Variants in TBC1D32 observed in about 807,000 individuals in gnomAD.
TBC1D32 encodes the protein TBC1 domain family member 32.
A neutral mutation model predicts 170.3 loss-of-function variants in TBC1D32; 151 were observed. The ratio of observed to expected loss-of-function variants is 0.89; its 90% CI spans 0.78 to 1.01. TBC1D32 has a LOEUF of 1.01. TBC1D32 is among the 50% of genes least tolerant of loss of function. The pLI, the probability that TBC1D32 is intolerant of heterozygous loss-of-function variation, is 0.00. For synonymous variants in TBC1D32, 498 were observed against 488.0 expected, an observed-to-expected ratio of 1.02 and a Z score of -0.27; for missense variants, 1,464 against 1,457.1, an observed-to-expected ratio of 1.00 and a Z score of -0.08.
chr6:121,174,369 T>G (rs1763459375), intron 22 of TBC1D32, among the ~76,000 whole-genome samples: 1 of 151,978 alleles, frequency 6.6e-6, no homozygotes, highest in Non-Finnish European at 1.5e-5. Context: ...GAAAAAAAAG[T>G]CATCAATCTA....
chr6:121,214,751 G>A (rs547668881), intron 21 of TBC1D32, among the ~76,000 whole-genome samples: 2 of 152,278 alleles, frequency 1.3e-5, no homozygotes, highest in Admixed American at 1.3e-4. Context: ...AACAGGGTGA[G>A]CATGAGCAGG....
chr6:121,094,537 T>C (rs1777176689), intron 30 of TBC1D32, among the ~76,000 whole-genome samples: 1 of 152,188 alleles, frequency 6.6e-6, no homozygotes, highest in African/African-American at 2.4e-5. Flanking sequence ...GAAGAAATAG[T>C]ATGTGTCCAA....
intron 21 of TBC1D32, among the ~76,000 whole-genome samples, chr6:121,214,997 C>T (rs573741854): frequency 1.3e-5 from 2 of 152,200 alleles, no homozygotes. Context: ...AGAAGACCCA[C>T]AATGTATATC....
At chr6:121,117,167 T>C (rs989410766) in intron 26 of TBC1D32, among the ~76,000 whole-genome samples, 1 of 152,144 alleles carries the variant, frequency 6.6e-6, no homozygotes, top group Non-Finnish European at 1.5e-5. Flanking sequence ...TACAACACTA[T>C]CCAAATTTCA....
At chr6:121,274,092 T>C (rs1046590102) in intron 15 of TBC1D32, among the ~76,000 whole-genome samples, 1 of 152,102 alleles carries the variant, frequency 6.6e-6, no homozygotes, top group African/African-American at 2.4e-5. Flanking sequence ...CCCAGCACTT[T>C]AGTAGGCCAA....
At chr6:121,198,809 G>C (rs1364403038) in intron 22 of TBC1D32, among the ~76,000 whole-genome samples, 2 of 150,948 alleles carry the variant, frequency 1.3e-5, no homozygotes, top group African/African-American at 4.9e-5. Context: ...TAAAATGGAG[G>C]GTGAACTAAA....
chr6:121,085,818 T>C (rs1301528236), intron 31 of TBC1D32, among the ~76,000 whole-genome samples: 1 of 152,080 alleles, frequency 6.6e-6, no homozygotes, highest in Non-Finnish European at 1.5e-5. Context: ...TAAACTCAGC[T>C]GAAGGGTACT....
chr6:121,309,673 A>C (rs1038497348), intron 4 of TBC1D32, among the ~76,000 whole-genome samples: 1 of 152,204 alleles, frequency 6.6e-6, no homozygotes, highest in Non-Finnish European at 1.5e-5. Flanking sequence ...AATTCTTCAT[A>C]AACAGTGATT....
chr6:121,297,177 T>C (rs758232993), intron 10 of TBC1D32, among the ~76,000 whole-genome samples: 4 of 152,062 alleles, frequency 2.6e-5, no homozygotes, highest in Non-Finnish European at 4.4e-5. Flanking sequence ...AGCAGATCTA[T>C]AGTAGGTGAA....
chr6:121,201,557 G>C (rs1329133997), intron 22 of TBC1D32, among the ~76,000 whole-genome samples: 1 of 151,172 alleles, frequency 6.6e-6, no homozygotes, highest in East Asian at 1.9e-4. Flanking sequence ...TTACCTTAGA[G>C]GAATCTCTTC....
chr6:121,142,600 A>G (rs1163455468), intron 24 of TBC1D32, among the ~76,000 whole-genome samples: 1 of 152,218 alleles, frequency 6.6e-6, no homozygotes, highest in Non-Finnish European at 1.5e-5. Context: ...GGGAAATAAG[A>G]ACAACAAACA....
chr6:121,302,920 TG>T (rs1383924646), intron 9 of TBC1D32, among the ~76,000 whole-genome samples: 2 of 152,302 alleles, frequency 1.3e-5, no homozygotes, highest in African/African-American at 4.8e-5. Context: ...CAAACTGTGC[TG>T]AAGAGTAAAT....
intron 16 of TBC1D32, 96 bp from the exon 17 acceptor site, chr6:121,255,506 A>ATTTATAATAT (rs1798867742): frequency 5.5e-6 from 1 of 181,600 alleles, no homozygotes; most frequent in African/African-American, 3.0e-5. Context: ...TTATAATTAT[A>ATTTATAATAT]TTTATAATTA....
At chr6:121,121,049 A>G in intron 26 of TBC1D32, among the ~76,000 whole-genome samples, 1 of 151,866 alleles carries the variant, frequency 6.6e-6, no homozygotes, top group East Asian at 1.9e-4. Flanking sequence ...TAGTATGTGT[A>G]TATATATATA....
intron 17 of TBC1D32, among the ~76,000 whole-genome samples, chr6:121,246,598 C>G (rs1170724931): frequency 6.6e-6 from 1 of 151,072 alleles, no homozygotes; most frequent in East Asian, 1.9e-4. Context: ...AAGGAGATAA[C>G]AGAGAAATGC....
chr6:121,168,372 C>G (rs1305328722), intron 22 of TBC1D32, among the ~76,000 whole-genome samples: 1 of 139,330 alleles, frequency 7.2e-6, no homozygotes, highest in African/African-American at 2.6e-5. Context: ...CCATGGAATA[C>G]TATACAGCCA....
rs751178222 is a variant in TBC1D32 at position 121,242,277 on chromosome 6, A to G, written c.2081T>C (p.Leu694Ser). The G allele has an allele frequency of 6.2e-7, 1 of 1,612,896 alleles. No individual in the cohort carries two copies. The highest frequency in any genetic ancestry group is 8.5e-7 in the Non-Finnish European group (1 of 1,179,284). The change falls in exon 18 of 32, where the codon TTA (leucine) becomes TCA (serine). Residue 694 changes from leucine to serine, a missense_variant. Around this residue, in one of 3 missense-constraint regions of TBC1D32, gnomAD observed 1,363 missense variants for 1,338.1 expected, o/e 1.02. Transcript: ENST00000398212. ...AGCACCTGTTCTTTGAAGAAGTAGT[A>G]ATCCTTTGGGGGTGGCAGCAAAATG... ...LLHFAATPKG[L>S]LLLQRTGAIN... is the part of the protein sequence containing the mutation.
chr6:121,303,910 G>C (rs4946562), intron 8 of TBC1D32, 149 bp from the exon 9 acceptor site: 1 of 457,240 alleles, frequency 2.2e-6, no homozygotes, highest in Non-Finnish European at 3.6e-6. Context: ...CAATGTTTCT[G>C]CTTTAACTAC....
At chr6:121,262,529 T>C (rs902605774) in intron 15 of TBC1D32, among the ~76,000 whole-genome samples, 7 of 151,630 alleles carry the variant, frequency 4.6e-5, no homozygotes, top group Admixed American at 3.3e-4. Flanking sequence ...CAGGCTGGAA[T>C]GCAGTGGCAT....
Sources: gnomAD v4.1 joint callset for allele counts (sites outside exome capture counted in the v4.1 genomes callset) on GRCh38, gnomAD v4.1.1 for gene constraint, gnomAD v4.1.1 regional missense constraint, MANE v1.5 for transcripts, NCBI Gene and HGNC (gene_info 2026-07-23, HGNC 2026-07-21) for gene names.